The following COL22A1 variants were observed in gnomAD, a reference collection of about 807,000 sequenced individuals.
COL22A1 encodes the protein collagen type XXII alpha 1 chain.
A neutral mutation model predicts 248.9 loss-of-function variants in COL22A1; 221 were observed. That is an observed-to-expected ratio of 0.89 (90% CI 0.80 to 0.99). The LOEUF is 0.99. Ranked by LOEUF, COL22A1 falls within the 50% of genes least tolerant of loss-of-function variation. The probability of loss-of-function intolerance (pLI) is 0.00; values close to 1 mark genes in which losing one functional copy is unlikely to be tolerated. For missense variants in COL22A1, 2,240 were observed against 2,179.0 expected (o/e 1.03, Z -0.56); for synonymous variants, 891 against 793.4 (o/e 1.12, Z -2.07).
At chr8:138,598,145 A>G (rs1000196493) in intron 61 of COL22A1, among the ~76,000 whole-genome samples, 2 of 152,226 alleles carry the variant, frequency 1.3e-5, no homozygotes, top group Non-Finnish European at 2.9e-5. Context: ...ATTGTGTAAA[A>G]TGAAAGTGCT....
chr8:138,860,903 C>T (rs1822406835), intron 3 of COL22A1, among the ~76,000 whole-genome samples: 1 of 152,204 alleles, frequency 6.6e-6, no homozygotes, highest in African/African-American at 2.4e-5. Context: ...TGGCTCTGCA[C>T]CCAGGAGTTT....
chr8:138,610,689 C>G (rs562531563), intron 56 of COL22A1, among the ~76,000 whole-genome samples: 2 of 152,310 alleles, frequency 1.3e-5, no homozygotes, highest in South Asian at 4.1e-4. Context: ...GCATGTGGTA[C>G]GTGAAGCCCT....
chr8:138,840,049 C>CCCAG (rs1334125239), intron 4 of COL22A1, among the ~76,000 whole-genome samples: 1 of 152,136 alleles, frequency 6.6e-6, no homozygotes, highest in Admixed American at 6.5e-5. Flanking sequence ...TGCTCCCAGA[C>CCCAG]CCAGCCCAGA....
chr8:138,616,850 TTC>T, intron 54 of COL22A1, 62 bp downstream of exon 54: 1 of 1,586,572 alleles, frequency 6.3e-7, no homozygotes, highest in Non-Finnish European at 8.7e-7. Flanking sequence ...TGCAAGTATC[TTC>T]TGTCTGGGAA....
At position 138,649,725 on chromosome 8, in the gene COL22A1, A is replaced by T. The variant is rs1310995630; in HGVS notation, c.3387T>A (p.Gly1129=). The change falls in exon 46 of 65, where the codon GGT becomes GGA. Residue 1129 remains glycine (G), a synonymous_variant. Transcript: ENST00000303045. ...CTGGGACACCTTTGTCCCCTTTAAAACCTGGTAGACCAGGGAGGCCTGGGG... is the reference window on the plus strand; with the variant it reads ...CTGGGACACCTTTGTCCCCTTTAAATCCTGGTAGACCAGGGAGGCCTGGGG... ...PGPPGLPGLP[G]FKGDKGVPGK... 1 of 1,611,496 alleles carries T rather than the reference A, an allele frequency of 6.2e-7. No homozygotes were observed. Among genetic ancestry groups the T allele is most frequent in the Admixed American group, 1.7e-5 (1 of 59,678 alleles).
intron 3 of COL22A1, among the ~76,000 whole-genome samples, chr8:138,862,093 C>G (rs1396526453): frequency 2.6e-5 from 4 of 151,312 alleles, no homozygotes; most frequent in Non-Finnish European, 5.9e-5. Context: ...TGGCACACGC[C>G]TGTAGTCCCA....
At chr8:138,838,224 G>A (rs1820583594) in intron 4 of COL22A1, among the ~76,000 whole-genome samples, 1 of 152,040 alleles carries the variant, frequency 6.6e-6, no homozygotes, top group East Asian at 1.9e-4. Context: ...CACTTCTCAG[G>A]GCCACCTGAG....
At position 138,688,936 on chromosome 8, in the gene COL22A1, T is replaced by A. The variant is rs1033431821; in HGVS notation, c.2843A>T (p.Asp948Val). 1 of 1,613,418 alleles carries A rather than the reference T, an allele frequency of 6.2e-7. No individual in the cohort carries two copies. The highest frequency in any genetic ancestry group is 1.7e-5 in the Admixed American group (1 of 60,008). ...APGLRGTPGK[D>V]GERGEKGAAG... ...TCTTACCTTCTCACCACGCTCCCCA[T>A]CTTTCCCTGGGGTGCCTCTGAGGCC... The change falls in exon 37 of 65, where the codon GAT becomes GTT. Residue 948 changes from aspartate (D) to valine (V), a missense_variant. Asp to Val is a radical substitution (Grantham distance 152). Transcript: ENST00000303045.
chr8:138,909,508 T>C (rs985090227), intron 1 of COL22A1, among the ~76,000 whole-genome samples: 1 of 152,160 alleles, frequency 6.6e-6, no homozygotes, highest in Non-Finnish European at 1.5e-5. Flanking sequence ...GAAAAGCTTC[T>C]CCTTAGGATA....
At chr8:138,627,396 A>T (rs1820331849) in intron 50 of COL22A1, among the ~76,000 whole-genome samples, 1 of 152,158 alleles carries the variant, frequency 6.6e-6, no homozygotes, top group Admixed American at 6.5e-5. Flanking sequence ...TCTATGGCTG[A>T]TTTTGCATTA....
chr8:138,906,690 T>A (rs2132187855), intron 1 of COL22A1, among the ~76,000 whole-genome samples: 1 of 151,866 alleles, frequency 6.6e-6, no homozygotes, highest in African/African-American at 2.4e-5. Context: ...TCTGGCTCTG[T>A]CACCCAGGCT....
intron 12 of COL22A1, among the ~76,000 whole-genome samples, chr8:138,793,855 G>C (rs1816270104): frequency 6.6e-6 from 1 of 152,180 alleles, no homozygotes; most frequent in African/African-American, 2.4e-5. Context: ...GTCCCTGCCT[G>C]GTGACAGGAA....
chr8:138,857,085 C>T (rs1240396195), intron 3 of COL22A1, among the ~76,000 whole-genome samples: 7 of 152,004 alleles, frequency 4.6e-5, no homozygotes, highest in Admixed American at 3.9e-4. Context: ...ATCCCCATTT[C>T]CTCCCCTCTC....
At chr8:138,869,947 A>G (rs1823194227) in intron 3 of COL22A1, among the ~76,000 whole-genome samples, 1 of 152,030 alleles carries the variant, frequency 6.6e-6, no homozygotes, top group African/African-American at 2.4e-5. Context: ...TGTGTAGTAT[A>G]TGTGCTGCAT....
chr8:138,597,113 C>T (rs1817608791), intron 61 of COL22A1, 143 bp from the exon 62 acceptor site: 2 of 649,032 alleles, frequency 3.1e-6, no homozygotes, highest in Non-Finnish European at 5.5e-6. Context: ...ATCTTTTCCA[C>T]ATCTCTAATC....
At chr8:138,829,401 C>CTTTTTTTTTT (rs1483155408) in intron 5 of COL22A1, among the ~76,000 whole-genome samples, 1 of 82,252 alleles carries the variant, frequency 1.2e-5, no homozygotes, top group Non-Finnish European at 2.5e-5. Flanking sequence ...CCTTCCTTTC[C>CTTTTTTTTTT]TGTTTTTTTT....
In COL22A1 at chr8:138,594,286, G is replaced by A. The variant is rs10110076; in HGVS notation, c.4433-87C>T. The A allele has an allele frequency of 0.042, 46,821 of 1,105,208 alleles. 9,641 individuals are homozygous for A. The African/African-American group carries it at 0.54, about 13-fold the overall frequency. 68.5% of individuals were successfully genotyped at this position (1,105,208 alleles called of 1,614,324 possible). On this transcript the variant is annotated intron_variant, in intron 62 of 64. Coordinates refer to ENST00000303045, the MANE Select transcript of COL22A1 (RefSeq NM_152888.3). Reference sequence around the variant, plus strand: ...GCTACTCACTGACAACTCAGAACCAGGGGGCCGATAATAGCTGCAGAAACG... The same window carrying A: ...GCTACTCACTGACAACTCAGAACCAAGGGGCCGATAATAGCTGCAGAAACG...
At chr8:138,842,383 T>C (rs937968328) in intron 4 of COL22A1, among the ~76,000 whole-genome samples, 7 of 152,172 alleles carry the variant, frequency 4.6e-5, no homozygotes, top group Admixed American at 2.0e-4. Context: ...GATAATGAAT[T>C]ACTTGGGTGA....
At chr8:138,610,504 A>G (rs1818772720) in intron 56 of COL22A1, among the ~76,000 whole-genome samples, 1 of 152,250 alleles carries the variant, frequency 6.6e-6, no homozygotes, top group Non-Finnish European at 1.5e-5. Context: ...TGAGGTTGTC[A>G]GAGAAAGAAC....
Sources: gnomAD v4.1 joint callset for allele counts (sites outside exome capture counted in the v4.1 genomes callset) on GRCh38, gnomAD v4.1.1 for gene constraint, MANE v1.5 for transcripts, NCBI Gene and HGNC (gene_info 2026-07-23, HGNC 2026-07-21) for gene names.